The following ADGRB3 variants were observed in gnomAD, a reference collection of about 807,000 sequenced individuals.
The protein encoded by ADGRB3 is adhesion G protein-coupled receptor B3.
ADGRB3 carries 37 observed loss-of-function variants against 193.4 expected under a neutral mutation model. The observed-to-expected ratio is 0.19, with a 90% CI of 0.15 to 0.25. ADGRB3 has a LOEUF of 0.25. Among genes scored for constraint, ADGRB3 ranks in the 10% least tolerant of loss-of-function variants. The pLI is 1.00. For missense variants in ADGRB3, 1,637 were observed against 1,852.9 expected (o/e 0.88, Z 2.14); for synonymous variants, 690 against 644.2 (o/e 1.07, Z -1.08).
intron 17 of ADGRB3, among the ~76,000 whole-genome samples, chr6:69,230,281 G>A (rs1029164399): frequency 6.6e-5 from 10 of 151,780 alleles, no homozygotes; most frequent in African/African-American, 2.4e-4. Context: ...TTACCCTATC[G>A]ATAACAAACT....
chr6:68,812,984 T>A (rs13203497), intron 3 of ADGRB3, among the ~76,000 whole-genome samples: 28,073 of 152,102 alleles, frequency 0.18, 2,763 homozygotes, highest in Middle Eastern at 0.24. Context: ...TTAGGAATTT[T>A]AATGTTCTTT....
chr6:68,936,883 CCTTT>C (rs1343482791), intron 5 of ADGRB3, among the ~76,000 whole-genome samples: 1 of 152,188 alleles, frequency 6.6e-6, no homozygotes, highest in Non-Finnish European at 1.5e-5. Flanking sequence ...GTAAATGGCT[CCTTT>C]CTTCACTGCA....
intron 13 of ADGRB3, among the ~76,000 whole-genome samples, chr6:69,030,763 T>C (rs1770620158): frequency 6.6e-6 from 1 of 152,150 alleles, no homozygotes. Flanking sequence ...ACTTAAAGTA[T>C]AATAAAGCAA....
At chr6:68,699,641 T>C (rs1047760607) in intron 3 of ADGRB3, among the ~76,000 whole-genome samples, 2 of 151,628 alleles carry the variant, frequency 1.3e-5, no homozygotes, top group African/African-American at 4.8e-5. Flanking sequence ...CCTGAGGGCA[T>C]GGGCAAAAAT....
intron 3 of ADGRB3, among the ~76,000 whole-genome samples, chr6:68,834,655 C>T (rs979792581): frequency 6.6e-6 from 1 of 152,036 alleles, no homozygotes; most frequent in Non-Finnish European, 1.5e-5. Context: ...ATTTCTCCAG[C>T]CTTTAAATTT....
chr6:69,189,300 C>A (rs1765137327), intron 17 of ADGRB3, among the ~76,000 whole-genome samples: 1 of 152,120 alleles, frequency 6.6e-6, no homozygotes, highest in Admixed American at 6.6e-5. Flanking sequence ...GGGAACTATT[C>A]ACCTAAGGCT....
intron 3 of ADGRB3, among the ~76,000 whole-genome samples, chr6:68,904,550 T>C (rs1009711008): frequency 6.6e-6 from 1 of 152,206 alleles, no homozygotes; most frequent in African/African-American, 2.4e-5. Flanking sequence ...ATGTTTTTAG[T>C]GAAGGTCTAA....
At chr6:68,645,502 A>G (rs1768188187) in intron 3 of ADGRB3, among the ~76,000 whole-genome samples, 1 of 152,162 alleles carries the variant, frequency 6.6e-6, no homozygotes, top group Non-Finnish European at 1.5e-5. Flanking sequence ...TTGGTATAAG[A>G]AAAACTTTGG....
intron 6 of ADGRB3, among the ~76,000 whole-genome samples, chr6:68,945,466 C>T (rs767363612): frequency 3.3e-5 from 5 of 151,922 alleles, no homozygotes; most frequent in Non-Finnish European, 5.9e-5. Flanking sequence ...GTAGTGATGC[C>T]TTGTGCTTTC....
intron 8 of ADGRB3, among the ~76,000 whole-genome samples, chr6:68,967,619 C>G (rs1768421564): frequency 6.6e-6 from 1 of 151,860 alleles, no homozygotes; most frequent in Admixed American, 6.6e-5. Flanking sequence ...CCACCCCCGC[C>G]CCACACACAA....
chr6:68,768,008 A>G (rs1170626039), intron 3 of ADGRB3, among the ~76,000 whole-genome samples: 1 of 152,180 alleles, frequency 6.6e-6, no homozygotes, highest in Non-Finnish European at 1.5e-5. Context: ...CTTCAATAAG[A>G]ACTACAAACC....
intron 3 of ADGRB3, among the ~76,000 whole-genome samples, chr6:68,685,548 G>C (rs191810318): frequency 8.7e-4 from 132 of 152,040 alleles, no homozygotes; most frequent in Non-Finnish European, 5.3e-4. Flanking sequence ...ACTCAAACTT[G>C]AGAAAGTTAT....
intron 13 of ADGRB3, among the ~76,000 whole-genome samples, chr6:69,046,111 T>C (rs1048088249): frequency 1.3e-5 from 2 of 152,146 alleles, no homozygotes; most frequent in Non-Finnish European, 2.9e-5. Context: ...GTTATGCCTT[T>C]CTGTTTGTTT....
chr6:68,975,450 A>G, intron 10 of ADGRB3, 110 bp downstream of exon 10: 1 of 776,246 alleles, frequency 1.3e-6, no homozygotes, highest in Non-Finnish European at 2.0e-6. Flanking sequence ...TCTCTAAAAA[A>G]GAAATGCCTG....
chr6:69,052,234 A>G (rs891464457), intron 15 of ADGRB3, among the ~76,000 whole-genome samples: 1 of 152,212 alleles, frequency 6.6e-6, no homozygotes, highest in Non-Finnish European at 1.5e-5. Context: ...CATCTTTAAA[A>G]ATAAGGCACA....
At chr6:69,140,692 G>T (rs1250894019) in intron 17 of ADGRB3, among the ~76,000 whole-genome samples, 2 of 152,118 alleles carry the variant, frequency 1.3e-5, no homozygotes, top group Non-Finnish European at 2.9e-5. Flanking sequence ...TGTTTGAGGT[G>T]ATGGATACCC....
chr6:69,274,118 TA>T (rs1465191793), intron 20 of ADGRB3, among the ~76,000 whole-genome samples: 1 of 152,026 alleles, frequency 6.6e-6, no homozygotes, highest in Non-Finnish European at 1.5e-5. Context: ...CAAAACAAGC[TA>T]AAGAAGATGA....
intron 3 of ADGRB3, among the ~76,000 whole-genome samples, chr6:68,910,318 T>A (rs184795471): frequency 1.1e-3 from 173 of 152,262 alleles, no homozygotes; most frequent in African/African-American, 4.0e-3. Context: ...CCTTTGTCAG[T>A]TGAGTAGATT....
chr6:68,664,953 G>A (rs1244802118), intron 3 of ADGRB3, among the ~76,000 whole-genome samples: 1 of 151,768 alleles, frequency 6.6e-6, no homozygotes, highest in Non-Finnish European at 1.5e-5. Flanking sequence ...CAATCTTTGG[G>A]TGGGAGCTCA....
Sources: allele counts gnomAD v4.1 joint callset (sites outside exome capture counted in the v4.1 genomes callset), GRCh38; gene constraint gnomAD v4.1.1; transcripts MANE v1.5; gene names NCBI Gene and HGNC (gene_info 2026-07-23, HGNC 2026-07-21).